The following C2orf74 variants were observed in gnomAD, a reference collection of about 807,000 sequenced individuals.
C2orf74 encodes DPM1 ER membrane anchor 1.
Under a neutral mutation model 17.9 loss-of-function variants are expected in C2orf74, and 14 were observed. That is an observed-to-expected ratio of 0.78 (90% CI 0.52 to 1.22). C2orf74 has a LOEUF of 1.22. Ranked by LOEUF, C2orf74 falls within the 50% of genes most tolerant of loss-of-function variation. C2orf74 has a pLI of 0.00. For synonymous variants in C2orf74, 79 were observed against 72.6 expected, an observed-to-expected ratio of 1.09 and a Z score of -0.44; for missense variants, 217 against 218.4, an observed-to-expected ratio of 0.99 and a Z score of 0.04.
intron 1 of C2orf74, among the ~76,000 whole-genome samples, chr2:61,154,282 T>G (rs576208620): frequency 4.6e-5 from 7 of 150,546 alleles, no homozygotes; most frequent in African/African-American, 1.7e-4. Context: ...CAAATTCCAA[T>G]AGTGGATCAT....
upstream of C2orf74, among the ~76,000 whole-genome samples, chr2:61,161,391 A>T (rs756881296): frequency 6.6e-6 from 1 of 152,198 alleles, no homozygotes; most frequent in Non-Finnish European, 1.5e-5. Context: ...TATTATGTTG[A>T]GGTAGTTTAC....
chr2:61,153,392 T>G (rs991974603), intron 1 of C2orf74, among the ~76,000 whole-genome samples: 9 of 150,816 alleles, frequency 6.0e-5, no homozygotes, highest in African/African-American at 2.2e-4. Context: ...GCCATTCTCC[T>G]GCCTCAGCCT....
chr2:61,155,681 C>T lies in C2orf74; in HGVS notation c.-121-7161C>T, dbSNP rs143413432. ...GACTATAGGCACCCGCCACCATGCC[C>T]GGCTGATTTTTTGTATTTTTAGTAG... On this transcript the variant is annotated intron_variant, in intron 1 of 3. Coordinates refer to the C2orf74 transcript ENST00000426997. Among the ~76,000 whole-genome samples the T allele has an allele frequency of 8.7e-4, 132 of 152,010 alleles. 2 individuals carry two copies. The East Asian group carries it at 0.023, about 26-fold the overall frequency.
chr2:61,160,773 A>G (rs566910854), upstream of C2orf74, among the ~76,000 whole-genome samples: 1 of 152,352 alleles, frequency 6.6e-6, no homozygotes, highest in East Asian at 1.9e-4. Flanking sequence ...TACAGGCGTG[A>G]GCCACCATGC....
intron 1 of C2orf74, among the ~76,000 whole-genome samples, chr2:61,153,582 A>G (rs918857311): frequency 1.4e-5 from 2 of 145,644 alleles, no homozygotes; most frequent in Non-Finnish European, 3.0e-5. Flanking sequence ...GCGCCTGGCC[A>G]AAGGTGTGAA....
intron 1 of C2orf74, among the ~76,000 whole-genome samples, chr2:61,153,124 G>A (rs1253968035): frequency 6.8e-6 from 1 of 147,994 alleles, no homozygotes; most frequent in Non-Finnish European, 1.5e-5. Context: ...TGCACTCCTG[G>A]GCAACAAGAG....
upstream of C2orf74, among the ~76,000 whole-genome samples, chr2:61,158,953 G>C (rs147042436): frequency 5.9e-5 from 9 of 151,996 alleles, no homozygotes; most frequent in East Asian, 1.7e-3. Flanking sequence ...CATAATGGAA[G>C]AGAATCCAAG....
upstream of C2orf74, among the ~76,000 whole-genome samples, chr2:61,159,717 G>T (rs992312912): frequency 1.3e-5 from 2 of 152,228 alleles, no homozygotes; most frequent in African/African-American, 4.8e-5. Flanking sequence ...ATCTGTATGT[G>T]CTGGTGGTTT....
chr2:61,155,790 G>A (rs1365934533), intron 1 of C2orf74, among the ~76,000 whole-genome samples: 1 of 152,030 alleles, frequency 6.6e-6, no homozygotes, highest in Non-Finnish European at 1.5e-5. Flanking sequence ...AAAATGCTGG[G>A]ATTACAGGCG....
intron 2 of C2orf74, 29 bp from the exon 3 acceptor site, chr2:61,162,813 T>C: frequency 6.5e-7 from 1 of 1,530,808 alleles, no homozygotes. Flanking sequence ...ATTCTTCCTT[T>C]TCTGAATTTG....
Position 61,163,106 on chromosome 2 carries a change from C to G in C2orf74, c.264C>G (p.Val88=), listed in dbSNP as rs937358027. 1.3e-6 allele frequency: 2 copies of G among 1,551,964 alleles called. No homozygotes were observed. The highest frequency in any genetic ancestry group is 1.7e-6 in the Non-Finnish European group (2 of 1,147,082). ...TGCCGATGAGGCCTGGCATTCTTGTCCAGAGACAGAGTAAGGAAGTGTTGG... is the reference window on the plus strand; with the variant it reads ...TGCCGATGAGGCCTGGCATTCTTGTGCAGAGACAGAGTAAGGAAGTGTTGG... ...LNVPMRPGIL[V]QRQSKEVLAT... is the part of the protein sequence containing the mutation. Residue 88 remains valine (V), a synonymous_variant, in exon 4 of 5, where the codon GTC becomes GTG. Transcript: ENST00000432605.
intron 1 of C2orf74, among the ~76,000 whole-genome samples, chr2:61,153,911 A>AGAAAG (rs201562237): frequency 4.0e-5 from 6 of 148,270 alleles, no homozygotes; most frequent in Non-Finnish European, 9.0e-5. Context: ...AAAGAAAGAA[A>AGAAAG]AAAAGAAAAT....
At chr2:61,162,802 C>G (rs2103647669) in intron 2 of C2orf74, 40 bp from the exon 3 acceptor site, 1 of 1,482,636 alleles carries the variant, frequency 6.7e-7, no homozygotes, top group South Asian at 1.2e-5. Context: ...AAATCAGGGC[C>G]ATTCTTCCTT....
chr2:61,160,794 C>T (rs1685542268), upstream of C2orf74, among the ~76,000 whole-genome samples: 1 of 152,206 alleles, frequency 6.6e-6, no homozygotes. Flanking sequence ...CCAGCCACCA[C>T]ATTTTATCTA....
chr2:61,146,546 A>G (rs1397064358), intron 1 of C2orf74, among the ~76,000 whole-genome samples: 2 of 152,164 alleles, frequency 1.3e-5, no homozygotes, highest in Non-Finnish European at 2.9e-5. Context: ...ATATAATATT[A>G]AAAAAGGGGC....
chr2:61,145,143 G>C (rs930470000), exon 1 of C2orf74: 3 of 152,316 alleles, frequency 2.0e-5, no homozygotes, highest in African/African-American at 7.2e-5. Context: ...GACGTCGTCC[G>C]AGAGTCTTAA....
At chr2:61,148,256 G>A (rs1292965725) in intron 1 of C2orf74, among the ~76,000 whole-genome samples, 3 of 150,864 alleles carry the variant, frequency 2.0e-5, no homozygotes, top group Non-Finnish European at 2.9e-5. Flanking sequence ...GTGCCATCTC[G>A]GCTTACTGCA....
At chr2:61,146,907 T>C (rs947326759) in intron 1 of C2orf74, among the ~76,000 whole-genome samples, 2 of 151,598 alleles carry the variant, frequency 1.3e-5, no homozygotes, top group Non-Finnish European at 2.9e-5. Context: ...CCCACCACTT[T>C]GGAAGACTGA....
At chr2:61,158,726 T>TGG (rs1685471623), upstream of C2orf74, among the ~76,000 whole-genome samples, 1 of 152,074 alleles carries the variant, frequency 6.6e-6, no homozygotes, top group South Asian at 2.1e-4. Flanking sequence ...GCAGTCAGGA[T>TGG]GGGGAGTCTG....
Sources: gnomAD v4.1 joint callset for allele counts (sites outside exome capture counted in the v4.1 genomes callset) on GRCh38, gnomAD v4.1.1 for gene constraint, MANE v1.5 for transcripts, NCBI Gene and HGNC (gene_info 2026-07-23, HGNC 2026-07-21) for gene names.